The following UBE2E1 variants were observed in gnomAD, a reference collection of about 807,000 sequenced individuals.
The protein encoded by UBE2E1 is ubiquitin-conjugating enzyme E2 E1.
UBE2E1 carries 6 observed loss-of-function variants against 21.4 expected under a neutral mutation model. That is an observed-to-expected ratio of 0.28 (90% CI 0.15 to 0.55). The LOEUF is 0.55. UBE2E1 is among the 20% of genes least tolerant of loss of function. The pLI is 0.93. For missense variants in UBE2E1, 142 were observed against 236.5 expected (o/e 0.60, Z 2.62); for synonymous variants, 87 against 82.7 (o/e 1.05, Z -0.28).
intron 3 of UBE2E1, among the ~76,000 whole-genome samples, chr3:23,875,864 C>T (rs1372047829): frequency 6.6e-6 from 1 of 152,252 alleles, no homozygotes. Context: ...CCTCCGCCTC[C>T]CAGGTTCAAG....
chr3:23,889,465 G>GTAT, intron 5 of UBE2E1: 1 of 1,397,094 alleles, frequency 7.2e-7, no homozygotes, highest in Non-Finnish European at 9.2e-7. Context: ...TAGCAACAAG[G>GTAT]TATTTTAAAC....
At chr3:23,818,803 A>G (rs1328535090) in intron 3 of UBE2E1, among the ~76,000 whole-genome samples, 4 of 152,162 alleles carry the variant, frequency 2.6e-5, no homozygotes, top group African/African-American at 9.7e-5. Flanking sequence ...GCTCTGAAGG[A>G]TGTCTTCAGA....
chr3:23,819,409 A>G (rs1413701085), intron 3 of UBE2E1, among the ~76,000 whole-genome samples: 1 of 152,188 alleles, frequency 6.6e-6, no homozygotes, highest in East Asian at 1.9e-4. Context: ...TATGTTTAGA[A>G]AGGCTGGTAG....
chr3:23,843,897 A>G (rs1038570182), intron 3 of UBE2E1, among the ~76,000 whole-genome samples: 16 of 152,150 alleles, frequency 1.1e-4, no homozygotes, highest in African/African-American at 3.9e-4. Flanking sequence ...TTATATTTTT[A>G]TCTCTTTAAT....
chr3:23,854,102 A>G lies in UBE2E1; in HGVS notation c.204-33465A>G, dbSNP rs115505951. On this transcript the variant is annotated intron_variant, in intron 3 of 5. Coordinates refer to ENST00000306627, the MANE Select transcript of UBE2E1 (RefSeq NM_003341.5). ...GCGAAACCCCACGTCTACTAAAAAT[A>G]GAAAAATTAACCGATTGTGGTAGTG... Among the ~76,000 whole-genome samples the G allele has an allele frequency of 5.4e-3, 819 of 152,234 alleles. 7 individuals are homozygous for G. Among genetic ancestry groups the G allele is most frequent in the African/African-American group, 0.019 (799 of 41,542 alleles).
chr3:23,830,237 A>G (rs898095474), intron 3 of UBE2E1, among the ~76,000 whole-genome samples: 7 of 152,240 alleles, frequency 4.6e-5, no homozygotes, highest in Non-Finnish European at 8.8e-5. Flanking sequence ...CCTTTATAAT[A>G]TCCCCTGACA....
rs547253657 is a variant in UBE2E1, at chr3:23,842,001, C to T, written c.203+30491C>T. 2.6e-5 allele frequency among the ~76,000 whole-genome samples: 4 copies of T among 152,102 alleles called. No homozygotes were observed. The highest frequency in any genetic ancestry group is 2.0e-4 in the Admixed American group (3 of 15,264). Reference sequence around the variant, plus strand: ...AATCTTTTACAAAAAACTTGAGGTACATGATTTAGTACTTTGATTATCCTA... The same window carrying T: ...AATCTTTTACAAAAAACTTGAGGTATATGATTTAGTACTTTGATTATCCTA... On this transcript the variant is annotated intron_variant, in intron 3 of 5. Coordinates refer to ENST00000306627, the MANE Select transcript of UBE2E1 (RefSeq NM_003341.5). The surrounding 1 kb of genome is among the most constrained non-coding windows in gnomAD (Gnocchi z 4.6).
intron 3 of UBE2E1, among the ~76,000 whole-genome samples, chr3:23,860,002 G>C (rs1700518658): frequency 6.6e-6 from 1 of 152,208 alleles, no homozygotes; most frequent in Non-Finnish European, 1.5e-5. Flanking sequence ...TGAAGAAGCA[G>C]TTCAGAACCA....
intron 3 of UBE2E1, among the ~76,000 whole-genome samples, chr3:23,813,527 ATTATTTATTTAT>A (rs60343039): frequency 2.0e-5 from 3 of 151,708 alleles, no homozygotes; most frequent in Non-Finnish European, 4.4e-5. Context: ...ATAAAGATGG[ATTATTTATTTAT>A]TTATTTATTT....
chr3:23,878,543 T>C (rs4858551), intron 3 of UBE2E1, among the ~76,000 whole-genome samples: 115,599 of 152,172 alleles, frequency 0.76, 44,488 homozygotes, highest in African/African-American at 0.83. Flanking sequence ...GCCAGCTGAG[T>C]GAAGCTCCAT....
chr3:23,820,006 T>C (rs1699613885), intron 3 of UBE2E1, among the ~76,000 whole-genome samples: 1 of 152,230 alleles, frequency 6.6e-6, no homozygotes, highest in African/African-American at 2.4e-5. Context: ...AGTTACCTTA[T>C]GTTAACAAGT....
At chr3:23,854,387 T>C (rs1029623493) in intron 3 of UBE2E1, among the ~76,000 whole-genome samples, 2 of 152,152 alleles carry the variant, frequency 1.3e-5, no homozygotes, top group African/African-American at 2.4e-5. Flanking sequence ...TCCTGAGATA[T>C]ATTATCTTTT....
At position 23,823,842 on chromosome 3, in the gene UBE2E1, G is replaced by A. The variant is rs976160566; in HGVS notation, c.203+12332G>A. ...ATACTACTTGCTAGTATATCACACT[G>A]CTTTGGCCTTTTTCTGAGTAACCCT... On this transcript the variant is annotated intron_variant, in intron 3 of 5. Transcript: ENST00000306627. The surrounding 1 kb of genome is among the most constrained non-coding windows in gnomAD (Gnocchi z 4.2). Among the ~76,000 whole-genome samples the A allele has an allele frequency of 2.0e-5, 3 of 152,178 alleles. No individual in the cohort carries two copies. In the South Asian group the frequency reaches 6.2e-4, roughly 31 times the overall value.
At position 23,823,702 on chromosome 3, in the gene UBE2E1, T is replaced by A. The variant is rs971897024; in HGVS notation, c.203+12192T>A. 2.6e-5 allele frequency among the ~76,000 whole-genome samples: 4 copies of A among 152,238 alleles called. No individual in the cohort carries two copies. Among genetic ancestry groups the A allele is most frequent in the African/African-American group, 9.6e-5 (4 of 41,460 alleles). Reference sequence around the variant, plus strand: ...ATTACAAGCACCCAGGAGGATTTTTTATAAACATGAAAGATAACTTTCCTC... The same window carrying A: ...ATTACAAGCACCCAGGAGGATTTTTAATAAACATGAAAGATAACTTTCCTC... On this transcript the variant is annotated intron_variant, in intron 3 of 5. Coordinates refer to ENST00000306627, the MANE Select transcript of UBE2E1 (RefSeq NM_003341.5). This position sits in a 1 kb window ranked among gnomAD's most constrained non-coding sequence, Gnocchi z 4.2.
At chr3:23,848,003 A>G (rs1323753820) in intron 3 of UBE2E1, among the ~76,000 whole-genome samples, 1 of 152,116 alleles carries the variant, frequency 6.6e-6, no homozygotes, top group East Asian at 1.9e-4. Context: ...TTTTAAATAA[A>G]CACAAATGGT....
Position 23,889,180 on chromosome 3 carries a change from G to A in UBE2E1, c.405G>A (p.Leu135=), listed in dbSNP as rs1285658678. The A allele has an allele frequency of 6.2e-7, 1 of 1,612,914 alleles. No individual in the cohort carries two copies. The highest frequency in any genetic ancestry group is 1.3e-5 in the African/African-American group (1 of 74,856). Residue 135 remains leucine (L), a synonymous_variant, in exon 5 of 6, where the codon TTG becomes TTA. Transcript: ENST00000306627. ...AAGGTGTTATTTGCTTGGACATATT[G>A]AAAGATAATTGGAGTCCAGCACTAA... ...NSQGVICLDI[L]KDNWSPALTI...
At chr3:23,817,379 G>A (rs1036893269) in intron 3 of UBE2E1, among the ~76,000 whole-genome samples, 7 of 138,808 alleles carry the variant, frequency 5.0e-5, no homozygotes, top group East Asian at 2.1e-4. Flanking sequence ...CCAAGATTAC[G>A]CCACTGCACT....
At chr3:23,889,944 A>C (rs1263308777) in intron 5 of UBE2E1, 2 of 155,386 alleles carry the variant, frequency 1.3e-5, no homozygotes, top group African/African-American at 4.8e-5. Flanking sequence ...ACACACAGAC[A>C]AATATATTTT....
intron 3 of UBE2E1, among the ~76,000 whole-genome samples, chr3:23,875,374 G>A (rs1242602493): frequency 1.3e-5 from 2 of 152,152 alleles, no homozygotes; most frequent in African/African-American, 4.8e-5. Flanking sequence ...CTACCCCCTA[G>A]AGACTTAAAT....
Sources: gnomAD v4.1 joint callset for allele counts (sites outside exome capture counted in the v4.1 genomes callset) on GRCh38, gnomAD v4.1.1 for gene constraint, Gnocchi (gnomAD v3.1) non-coding constraint, MANE v1.5 for transcripts, NCBI Gene and HGNC (gene_info 2026-07-23, HGNC 2026-07-21) for gene names.